The following MARCHF7 variants were observed in gnomAD, a reference collection of about 807,000 sequenced individuals.
The protein encoded by MARCHF7 is membrane associated ring-CH-type finger 7.
A neutral mutation model predicts 76.5 loss-of-function variants in MARCHF7; 20 were observed. The observed-to-expected ratio is 0.26, with a 90% confidence interval of 0.18 to 0.38. The LOEUF (loss-of-function observed/expected upper bound fraction) is 0.38, where lower values mean the gene tolerates loss of function less well. MARCHF7 is among the 10% of genes least tolerant of loss of function. The pLI, the probability that MARCHF7 is intolerant of heterozygous loss-of-function variation, is 1.00. For missense variants in MARCHF7, 797 were observed against 812.9 expected (o/e 0.98, Z 0.24); for synonymous variants, 295 against 293.0 (o/e 1.01, Z -0.07).
chr2:159,746,911 T>G (rs1030804931), intron 6 of MARCHF7, among the ~76,000 whole-genome samples: 1 of 152,234 alleles, frequency 6.6e-6, no homozygotes, highest in Non-Finnish European at 1.5e-5. Flanking sequence ...TTTATCTGCT[T>G]GGCTTTGGAT....
rs1054819367 is a variant in MARCHF7 at position 159,768,192 on chromosome 2, C to G, written c.*850C>G. The G allele has an allele frequency of 6.6e-6, 1 of 152,452 alleles. No individual in the cohort carries two copies. The highest frequency in any genetic ancestry group is 1.5e-5 in the Non-Finnish European group (1 of 67,958). The allele number at this position is 152,452 out of a possible 1,614,324, so 9.4% of individuals were successfully genotyped here. A position where few individuals can be genotyped will look rare whatever the true frequency, so the allele number is the denominator to read the frequency against. On this transcript the variant is annotated 3_prime_UTR_variant, in exon 12 of 12. Transcript: ENST00000409175. ...TTTTCAATGTGTTTTTTAGTGTTGT[C>G]ACTTGTTTATAGATAAATATATAAA...
intron 9 of MARCHF7, among the ~76,000 whole-genome samples, chr2:159,761,372 A>G (rs1161262553): frequency 6.6e-6 from 1 of 150,812 alleles, no homozygotes; most frequent in East Asian, 1.9e-4. Flanking sequence ...TTCAAGTTAA[A>G]AATAAGCAAC....
intron 3 of MARCHF7, among the ~76,000 whole-genome samples, chr2:159,724,629 A>G (rs754482963): frequency 1.3e-5 from 2 of 152,146 alleles, no homozygotes; most frequent in Non-Finnish European, 2.9e-5. Flanking sequence ...TTGAATTTCC[A>G]TAAGCTCTTT....
At chr2:159,732,473 A>G (rs549268603) in intron 4 of MARCHF7, among the ~76,000 whole-genome samples, 1 of 152,188 alleles carries the variant, frequency 6.6e-6, no homozygotes, top group Admixed American at 6.5e-5. Context: ...TTGCTTATTT[A>G]GTTTTGATTT....
intron 4 of MARCHF7, among the ~76,000 whole-genome samples, chr2:159,735,037 T>TA (rs1392418096): frequency 1.3e-5 from 2 of 152,162 alleles, no homozygotes; most frequent in Non-Finnish European, 2.9e-5. Flanking sequence ...AATTTGGTCT[T>TA]AAAGTGTACA....
chr2:159,764,385 A>T (rs982882103), intron 10 of MARCHF7, among the ~76,000 whole-genome samples: 1 of 151,994 alleles, frequency 6.6e-6, no homozygotes, highest in Non-Finnish European at 1.5e-5. Context: ...GGATAAAATT[A>T]TTGTATCTGC....
intron 3 of MARCHF7, among the ~76,000 whole-genome samples, chr2:159,726,628 A>AT (rs1465993647): frequency 1.3e-5 from 2 of 152,066 alleles, no homozygotes; most frequent in East Asian, 1.9e-4. Context: ...ACCTGTTGTT[A>AT]TTTTTTTGTG....
At chr2:159,730,347 A>G (rs540060175) in intron 4 of MARCHF7, among the ~76,000 whole-genome samples, 3 of 152,364 alleles carry the variant, frequency 2.0e-5, no homozygotes, top group Non-Finnish European at 4.4e-5. Context: ...CTTTGTGTTA[A>G]GTATTTATAT....
At chr2:159,717,614 G>A (rs7572308) in intron 3 of MARCHF7, among the ~76,000 whole-genome samples, 52,344 of 151,840 alleles carry the variant, frequency 0.34, 9,199 homozygotes, top group South Asian at 0.44. Context: ...TTTGTGGTAA[G>A]TAGCTACTAA....
In MARCHF7 at chr2:159,745,899, A is replaced by G; in HGVS notation, c.476A>G (p.Asp159Gly). 3 of 1,612,088 alleles carry G rather than the reference A, an allele frequency of 1.9e-6. No individual in the cohort carries two copies. Among genetic ancestry groups the G allele is most frequent in the Non-Finnish European group, 2.5e-6 (3 of 1,179,250 alleles). ...GATTCCTCTATTAGTAATCTTATGG[A>G]TTATAGTCACCGAAGTGGTGATTTC... is the stretch of plus-strand genomic sequence containing the variant. ...RTDSSISNLMDYSHRSGDFTT... is the reference protein window; with the variant it reads ...RTDSSISNLMGYSHRSGDFTT... The change falls in exon 6 of 12, where the codon GAT becomes GGT. Residue 159 changes from aspartate to glycine, a missense_variant. Around this residue, in one of 3 missense-constraint regions of MARCHF7, gnomAD observed 643 missense variants for 631.5 expected, o/e 1.02. Transcript: ENST00000409175.
At chr2:159,716,472 C>T (rs1701052221) in intron 3 of MARCHF7, among the ~76,000 whole-genome samples, 1 of 151,858 alleles carries the variant, frequency 6.6e-6, no homozygotes, top group Non-Finnish European at 1.5e-5. Context: ...CATGATGAAA[C>T]CCCGTCTCTA....
intron 10 of MARCHF7, among the ~76,000 whole-genome samples, chr2:159,763,721 AGT>A (rs1243624719): frequency 6.6e-6 from 1 of 152,226 alleles, no homozygotes; most frequent in Non-Finnish European, 1.5e-5. Flanking sequence ...CGGTGATAAA[AGT>A]GTAGTAGAGT....
intron 9 of MARCHF7, among the ~76,000 whole-genome samples, chr2:159,761,423 T>TTTTTG: frequency 7.5e-6 from 1 of 133,948 alleles, no homozygotes; most frequent in Non-Finnish European, 1.6e-5. Context: ...TTTTTTTTTT[T>TTTTTG]TTTTTTTTGA....
Position 159,743,043 on chromosome 2 carries a change from A to AT in MARCHF7, c.154-11dup. 2 of 1,597,564 alleles carry AT rather than the reference A, an allele frequency of 1.3e-6. No individual in the cohort carries two copies. The highest frequency in any genetic ancestry group is 1.7e-4 in the Middle Eastern group (1 of 5,974). On this transcript the variant is annotated splice_polypyrimidine_tract_variant and intron_variant, in intron 4 of 11. Transcript: ENST00000409175. ...AATGCAGCCTTTTGTTGTTTAAAAA[A>AT]TTTTTTTGAACTCACAGTCTACATC... is the stretch of plus-strand genomic sequence containing the variant.
chr2:159,763,455 G>C (rs1008557001), intron 10 of MARCHF7, among the ~76,000 whole-genome samples: 1 of 152,156 alleles, frequency 6.6e-6, no homozygotes, highest in Non-Finnish European at 1.5e-5. Flanking sequence ...TTTAGATATG[G>C]AATAGTTGGT....
At chr2:159,720,982 G>A (rs1012608465) in intron 3 of MARCHF7, among the ~76,000 whole-genome samples, 12 of 151,762 alleles carry the variant, frequency 7.9e-5, no homozygotes, top group African/African-American at 2.2e-4. Flanking sequence ...CTTAGTCTCC[G>A]GATTAGCTGA....
Position 159,729,087 on chromosome 2 carries a change from C to T in MARCHF7, c.65C>T (p.Ala22Val), listed in dbSNP as rs575162200. The change falls in exon 4 of 12, where the codon GCT becomes GTT. Residue 22 changes from alanine to valine, a missense_variant. By Grantham distance (64) the Ala-to-Val change is moderately conservative. Coordinates refer to ENST00000409175, the MANE Select transcript of MARCHF7 (RefSeq NM_001282805.2). ...ISVQPSSSLS[A>V]RMMSGSRGSS... is the part of the protein sequence containing the mutation. ...GTTCAACCTTCCAGCTCCTTAAGTG[C>T]TAGGATGATGTCTGGAAGCAGAGGA... 8.1e-6 allele frequency: 13 copies of T among 1,611,638 alleles called. No homozygotes were observed. In the South Asian group the frequency reaches 1.4e-4, roughly 18 times the overall value.
rs1708049200 is a variant in MARCHF7, at chr2:159,769,059, A to ATACCCCAATCC, written c.*1717_*1718insTACCCCAATCC. The ATACCCCAATCC allele has an allele frequency of 1.3e-5, 2 of 152,188 alleles. No homozygotes were observed. The highest frequency in any genetic ancestry group is 2.9e-5 in the Non-Finnish European group (2 of 68,026). The allele number at this position is 152,188 out of a possible 1,614,324, so 9.4% of individuals were successfully genotyped here. ...TTAGCTTCAGATTATCATGTAAATG[A>ATACCCCAATCC]CGGTAGAGGAATAAGAGAAAAGGCT... On this transcript the variant is annotated 3_prime_UTR_variant, in exon 12 of 12. Transcript: ENST00000409175.
intron 8 of MARCHF7, among the ~76,000 whole-genome samples, chr2:159,755,386 C>A (rs952623466): frequency 6.6e-6 from 1 of 151,980 alleles, no homozygotes; most frequent in East Asian, 1.9e-4. Flanking sequence ...GTTGAAACAA[C>A]CAAGGATTTA....
Sources: gnomAD v4.1 joint callset for allele counts (sites outside exome capture counted in the v4.1 genomes callset) on GRCh38, gnomAD v4.1.1 for gene constraint, gnomAD v4.1.1 regional missense constraint, MANE v1.5 for transcripts, NCBI Gene and HGNC (gene_info 2026-07-23, HGNC 2026-07-21) for gene names.